The following SYNPR variants were observed in gnomAD, a reference collection of about 807,000 sequenced individuals.
SYNPR encodes synaptoporin.
SYNPR carries 23 observed loss-of-function variants against 32.9 expected under a neutral mutation model. The ratio of observed to expected loss-of-function variants is 0.70; its 90% CI spans 0.50 to 0.99. The LOEUF (loss-of-function observed/expected upper bound fraction) is 0.99. Ranked by LOEUF, SYNPR falls within the 50% of genes least tolerant of loss-of-function variation. The probability of loss-of-function intolerance (pLI) is 0.00; values close to 1 mark genes in which losing one functional copy is unlikely to be tolerated. For synonymous variants in SYNPR, 146 were observed against 135.9 expected (o/e 1.07, Z -0.52); for missense variants, 318 against 349.3 (o/e 0.91, Z 0.71).
chr3:63,450,660 C>T (rs1358949154), intron 2 of SYNPR, among the ~76,000 whole-genome samples: 2 of 152,152 alleles, frequency 1.3e-5, no homozygotes, highest in Non-Finnish European at 2.9e-5. Flanking sequence ...TTCAGCCTCA[C>T]TAAAGGATGC....
At chr3:63,544,807 C>T (rs1559531985) in intron 3 of SYNPR, among the ~76,000 whole-genome samples, 1 of 152,030 alleles carries the variant, frequency 6.6e-6, no homozygotes, top group South Asian at 2.1e-4. Context: ...TATTATAGCA[C>T]CTGTAATTGT....
At chr3:63,445,584 CATCCT>C in intron 2 of SYNPR, 1 of 700,762 alleles carries the variant, frequency 1.4e-6, no homozygotes, top group Non-Finnish European at 2.6e-6. Flanking sequence ...TTAGTAAGTA[CATCCT>C]ATATGCCTGG....
At chr3:63,581,277 T>A (rs1703086691) in intron 4 of SYNPR, among the ~76,000 whole-genome samples, 1 of 152,064 alleles carries the variant, frequency 6.6e-6, no homozygotes, top group Admixed American at 6.6e-5. Flanking sequence ...ACCATTACCT[T>A]GAAACCCTTC....
At chr3:63,493,815 CAAA>C (rs3083190) in intron 3 of SYNPR, among the ~76,000 whole-genome samples, 4 of 75,092 alleles carry the variant, frequency 5.3e-5, no homozygotes, top group African/African-American at 5.5e-5. Flanking sequence ...GACTCTGTCT[CAAA>C]AAAAAAAAAA....
In SYNPR at chr3:63,544,605, A is replaced by G. The variant is rs562342041; in HGVS notation, c.210-11938A>G. Among the ~76,000 whole-genome samples the G allele has an allele frequency of 1.1e-4, 17 of 152,252 alleles. No individual in the cohort carries two copies. In the East Asian group the frequency reaches 3.3e-3, roughly 29 times the overall value. On this transcript the variant is annotated intron_variant, in intron 3 of 5. Coordinates refer to ENST00000478300, the MANE Select transcript of SYNPR (RefSeq NM_001130003.2). ...ATTACATGAATAATGAAATGACAGT[A>G]AGCAATAACAGAAAATGACCAAATA...
In SYNPR at chr3:63,522,037, G is replaced by T. The variant is rs551574955; in HGVS notation, c.210-34506G>T. On this transcript the variant is annotated intron_variant, in intron 3 of 5. Coordinates refer to ENST00000478300, the MANE Select transcript of SYNPR (RefSeq NM_001130003.2). Reference sequence around the variant, plus strand: ...GGCAAGTAGATCTGGAGGGACAAAGGACATGTTTCTCAACCTCTGAGTTTC... The same window carrying T: ...GGCAAGTAGATCTGGAGGGACAAAGTACATGTTTCTCAACCTCTGAGTTTC... 1.0e-3 allele frequency among the ~76,000 whole-genome samples: 156 copies of T among 152,308 alleles called. 1 individual carries two copies. Among genetic ancestry groups the T allele is most frequent in the African/African-American group, 3.6e-3 (151 of 41,572 alleles).
intron 3 of SYNPR, among the ~76,000 whole-genome samples, chr3:63,488,143 G>A (rs554379411): frequency 4.6e-5 from 7 of 152,080 alleles, no homozygotes; most frequent in Non-Finnish European, 7.4e-5. Context: ...TTATTTTTTC[G>A]GTTTTTACCA....
intron 3 of SYNPR, among the ~76,000 whole-genome samples, chr3:63,544,882 A>T (rs1437960676): frequency 6.6e-6 from 1 of 152,018 alleles, no homozygotes; most frequent in African/African-American, 2.4e-5. Flanking sequence ...CTTCACACAC[A>T]CACACACACA....
At chr3:63,420,402 A>G (rs1699768766) in intron 2 of SYNPR, among the ~76,000 whole-genome samples, 1 of 152,226 alleles carries the variant, frequency 6.6e-6, no homozygotes, top group Admixed American at 6.5e-5. Flanking sequence ...AAAAGCTGGA[A>G]AATAGATAAA....
At chr3:63,356,340 T>C (rs2087577100) in intron 2 of SYNPR, among the ~76,000 whole-genome samples, 1 of 152,228 alleles carries the variant, frequency 6.6e-6, no homozygotes, top group African/African-American at 2.4e-5. Flanking sequence ...ACTTCTATGG[T>C]GTTCCTTGGG....
chr3:63,489,920 G>C (rs995291841), intron 3 of SYNPR, among the ~76,000 whole-genome samples: 10 of 152,140 alleles, frequency 6.6e-5, no homozygotes, highest in Admixed American at 2.0e-4. Context: ...GAATCTGGGG[G>C]AATAAAGAGA....
intron 2 of SYNPR, among the ~76,000 whole-genome samples, chr3:63,253,320 G>A (rs1439942643): frequency 2.6e-5 from 4 of 152,018 alleles, no homozygotes; most frequent in African/African-American, 7.2e-5. Flanking sequence ...AAACATGATT[G>A]TTCTCCAAGC....
At chr3:63,435,074 A>G (rs17068559) in intron 2 of SYNPR, among the ~76,000 whole-genome samples, 4,569 of 152,300 alleles carry the variant, frequency 0.03, 217 homozygotes, top group African/African-American at 0.1. Flanking sequence ...TAATCTCTAA[A>G]CAACTGTCAG....
chr3:63,257,804 G>A (rs2086400019), intron 2 of SYNPR, among the ~76,000 whole-genome samples: 1 of 152,164 alleles, frequency 6.6e-6, no homozygotes, highest in African/African-American at 2.4e-5. Context: ...ACCCATCAGT[G>A]TGCTGTATTC....
At chr3:63,222,867 T>G in the SYNPR span, among the ~76,000 whole-genome samples, 1 of 152,148 alleles carries the variant, frequency 6.6e-6, no homozygotes, top group South Asian at 2.1e-4. Flanking sequence ...TTTGTTGTGT[T>G]TGTTGCCAGA....
At position 63,419,144 on chromosome 3, in the gene SYNPR, C is replaced by T. The variant is rs560249778; in HGVS notation, c.85-61688C>T. Among the ~76,000 whole-genome samples, 9 of 152,308 alleles carry T rather than the reference C, an allele frequency of 5.9e-5. 1 individual carries two copies. In the South Asian group the frequency reaches 1.9e-3, roughly 32 times the overall value. ...ATCATGGGAAGGGTCACAGCCTGTT[C>T]CTTGAAGGCTTTGCAAAGTAATCAG... On this transcript the variant is annotated intron_variant, in intron 2 of 5. Coordinates refer to ENST00000478300, the MANE Select transcript of SYNPR (RefSeq NM_001130003.2).
At position 63,329,505 on chromosome 3, in the gene SYNPR, C is replaced by T. The variant is rs1372192542; in HGVS notation, c.84+50763C>T. On this transcript the variant is annotated intron_variant, in intron 2 of 5. Coordinates refer to ENST00000478300, the MANE Select transcript of SYNPR (RefSeq NM_001130003.2). ...TGGAGAAAATGGAATGAGTTTGTTCCTAATCCAGTTAATTTCCCTGAATTA... is the reference window on the plus strand; with the variant it reads ...TGGAGAAAATGGAATGAGTTTGTTCTTAATCCAGTTAATTTCCCTGAATTA... Among the ~76,000 whole-genome samples the T allele has an allele frequency of 2.6e-5, 4 of 152,136 alleles. No homozygotes were observed. The East Asian group carries it at 7.7e-4, about 29-fold the overall frequency.
chr3:63,578,684 C>G (rs918110558), intron 4 of SYNPR, among the ~76,000 whole-genome samples: 9 of 152,120 alleles, frequency 5.9e-5, no homozygotes, highest in African/African-American at 2.2e-4. Flanking sequence ...TTAACCATCC[C>G]TAACCAAAGA....
intron 2 of SYNPR, among the ~76,000 whole-genome samples, chr3:63,322,621 G>T (rs560077874): frequency 2.1e-4 from 32 of 152,180 alleles, no homozygotes; most frequent in African/African-American, 7.2e-4. Flanking sequence ...CAATGATTCT[G>T]TGACTTAGGT....
Sources: allele counts gnomAD v4.1 joint callset (sites outside exome capture counted in the v4.1 genomes callset), GRCh38; gene constraint gnomAD v4.1.1; transcripts MANE v1.5; gene names NCBI Gene and HGNC (gene_info 2026-07-23, HGNC 2026-07-21).